The following SYNE1 variants were observed in gnomAD, a reference collection of about 807,000 sequenced individuals.
SYNE1 encodes the protein spectrin repeat containing nuclear envelope protein 1.
A neutral mutation model predicts 1,111.0 loss-of-function variants in SYNE1; 616 were observed. That is an observed-to-expected ratio of 0.55 (90% CI 0.52 to 0.59). The LOEUF is 0.59. Among genes scored for constraint, SYNE1 ranks in the 20% least tolerant of loss-of-function variants. The pLI, the probability that SYNE1 is intolerant of heterozygous loss-of-function variation, is 0.00. For synonymous variants in SYNE1, 3,855 were observed against 3,825.8 expected (o/e 1.01, Z -0.28); for missense variants, 10,006 against 10,417.0 (o/e 0.96, Z 1.72).
At chr6:152,185,008 A>C (rs2069402204) in intron 128 of SYNE1, among the ~76,000 whole-genome samples, 1 of 152,190 alleles carries the variant, frequency 6.6e-6, no homozygotes, top group African/African-American at 2.4e-5. Flanking sequence ...ACCAGCTAAA[A>C]CCTTCAGAGT....
intron 2 of SYNE1, among the ~76,000 whole-genome samples, chr6:152,629,370 A>T (rs1194732267): frequency 6.6e-6 from 1 of 151,294 alleles, no homozygotes; most frequent in East Asian, 2.0e-4. Context: ...ACGCCTGGCT[A>T]ATTTTTGTGT....
At chr6:152,542,617 C>A (rs1011124387) in intron 3 of SYNE1, among the ~76,000 whole-genome samples, 9 of 152,070 alleles carry the variant, frequency 5.9e-5, no homozygotes, top group Non-Finnish European at 4.4e-5. Flanking sequence ...CCAAGGTCAT[C>A]CAGCAGCACA....
intron 130 of SYNE1, among the ~76,000 whole-genome samples, chr6:152,169,213 G>A (rs2153070640): frequency 6.6e-6 from 1 of 152,214 alleles, no homozygotes; most frequent in Non-Finnish European, 1.5e-5. Flanking sequence ...CAAAGCATCT[G>A]GTTCTGGTCA....
chr6:152,243,803 A>T (rs2086388023), intron 106 of SYNE1, among the ~76,000 whole-genome samples: 1 of 152,222 alleles, frequency 6.6e-6, no homozygotes, highest in Non-Finnish European at 1.5e-5. Flanking sequence ...TGTCTGTGTG[A>T]CTGTACACAG....
At chr6:152,145,667 C>T in intron 137 of SYNE1, 2 of 930,786 alleles carry the variant, frequency 2.1e-6, no homozygotes, top group Non-Finnish European at 1.7e-6. Context: ...ATTCTAGACA[C>T]ATAGCTCCTG....
intron 107 of SYNE1, 129 bp from the exon 108 acceptor site, chr6:152,239,835 G>C: frequency 1.0e-6 from 1 of 953,136 alleles, no homozygotes; most frequent in South Asian, 1.4e-5. Flanking sequence ...GAAGTGGGTG[G>C]ATTACCTGAG....
chr6:152,315,761 A>G (rs935837323), intron 87 of SYNE1: 4 of 152,218 alleles, frequency 2.6e-5, no homozygotes, highest in Non-Finnish European at 5.9e-5. Flanking sequence ...TTCATATCTA[A>G]GCATATCTTA....
chr6:152,451,156 A>G lies in SYNE1; in HGVS notation c.3077T>C (p.Val1026Ala), dbSNP rs776586157. 1.9e-6 allele frequency: 3 copies of G among 1,614,128 alleles called. No homozygotes were observed. Among genetic ancestry groups the G allele is most frequent in the Non-Finnish European group, 1.7e-6 (2 of 1,180,008 alleles). The change falls in exon 26 of 146, where the codon GTG becomes GCG. Residue 1026 changes from valine to alanine, a missense_variant. Coordinates refer to ENST00000367255, the MANE Select transcript of SYNE1 (RefSeq NM_182961.4). ...PYHLLHLKID[V>A]EKNRFLASVE... ...AGAGGCTAAGAACCTATTCTTCTCC[A>G]CATCAATCTTCAGATGAAGCAAATG...
At chr6:152,479,745 A>G (rs968584448) in intron 14 of SYNE1, among the ~76,000 whole-genome samples, 3 of 152,364 alleles carry the variant, frequency 2.0e-5, no homozygotes, top group Admixed American at 2.0e-4. Flanking sequence ...TGGAAAATAG[A>G]AAAGATAATA....
intron 50 of SYNE1, 123 bp downstream of exon 50, chr6:152,396,652 A>C (rs2097735948): frequency 4.1e-6 from 4 of 983,094 alleles, no homozygotes; most frequent in Middle Eastern, 2.7e-4. Context: ...TTATGATCAA[A>C]GCTTATTATA....
Position 152,206,273 on chromosome 6 carries a change from G to A in SYNE1, c.22914C>T (p.Gly7638=), listed in dbSNP as rs772920041. The A allele has an allele frequency of 1.2e-5, 20 of 1,613,784 alleles. No homozygotes were observed. The highest frequency in any genetic ancestry group is 1.7e-4 in the Middle Eastern group (1 of 5,910). The change falls in exon 126 of 146, where the codon GGC becomes GGT. Residue 7638 remains glycine (G), a synonymous_variant. Transcript: ENST00000367255. The part of the protein sequence containing the change: ...GKQLLLSADS[G]AEAALQAELA... Reference sequence around the variant, plus strand: ...GTTCGGCCTGCAAGGCGGCCTCAGCGCCACTGTCCGCCGAGAGAAGGAGTT... The same window carrying A: ...GTTCGGCCTGCAAGGCGGCCTCAGCACCACTGTCCGCCGAGAGAAGGAGTT...
At chr6:152,530,594 T>A (rs1416853120) in intron 4 of SYNE1, among the ~76,000 whole-genome samples, 1 of 151,870 alleles carries the variant, frequency 6.6e-6, no homozygotes, top group African/African-American at 2.4e-5. Flanking sequence ...AAGTTTTAAA[T>A]TGCACACTGT....
intron 45 of SYNE1, among the ~76,000 whole-genome samples, chr6:152,404,557 G>GA (rs11300425): frequency 5.3e-5 from 8 of 151,206 alleles, no homozygotes; most frequent in Non-Finnish European, 7.4e-5. Flanking sequence ...TTTGTATTAG[G>GA]AAAAAAAAAC....
chr6:152,152,261 G>A (rs1055365514), intron 133 of SYNE1, 120 bp from the exon 134 acceptor site: 11 of 886,490 alleles, frequency 1.2e-5, no homozygotes, highest in Non-Finnish European at 1.8e-5. Context: ...CAGAGGGAAA[G>A]AATGATGTCT....
intron 29 of SYNE1, 103 bp from the exon 30 acceptor site, chr6:152,444,681 A>G: frequency 2.9e-6 from 3 of 1,045,474 alleles, no homozygotes. Context: ...CATTGTACAT[A>G]TTTAAGGTGT....
chr6:152,536,969 T>C (rs1023593265), intron 4 of SYNE1, among the ~76,000 whole-genome samples: 2 of 152,158 alleles, frequency 1.3e-5, no homozygotes, highest in Admixed American at 1.3e-4. Context: ...AGGAACATGT[T>C]TTCTCAATAA....
At position 152,224,987 on chromosome 6, in the gene SYNE1, ATTT is replaced by A. The variant is rs1192183351; in HGVS notation, c.21352-326_21352-324del. Among the ~76,000 whole-genome samples, 3 of 148,040 alleles carry A rather than the reference ATTT, an allele frequency of 2.0e-5. No individual in the cohort carries two copies. The South Asian group carries it at 6.3e-4, about 31-fold the overall frequency. ...TATATATATACATATATGTATATAT[ATTT>A]TTAAGTTATAAGAGGTTGATACTTT... On this transcript the variant is annotated intron_variant, in intron 116 of 145. Coordinates refer to ENST00000367255, the MANE Select transcript of SYNE1 (RefSeq NM_182961.4).
intron 3 of SYNE1, among the ~76,000 whole-genome samples, chr6:152,549,451 G>T (rs1406907419): frequency 2.0e-5 from 3 of 152,176 alleles, no homozygotes; most frequent in Admixed American, 6.5e-5. Flanking sequence ...ATGTGTGGGG[G>T]GGCGGTGGGA....
At chr6:152,291,436 A>G (rs896818365) in intron 95 of SYNE1, among the ~76,000 whole-genome samples, 4 of 152,088 alleles carry the variant, frequency 2.6e-5, no homozygotes, top group African/African-American at 9.7e-5. Flanking sequence ...GTTGGCCTTA[A>G]TGACAAGAAA....
Sources: allele counts gnomAD v4.1 joint callset (sites outside exome capture counted in the v4.1 genomes callset), GRCh38; gene constraint gnomAD v4.1.1; transcripts MANE v1.5; gene names NCBI Gene and HGNC (gene_info 2026-07-23, HGNC 2026-07-21).